OSBPL9: variants seen among roughly 807,000 people sequenced by gnomAD.
The protein encoded by OSBPL9 is oxysterol-binding protein-related protein 9.
Under a neutral mutation model 106.6 loss-of-function variants are expected in OSBPL9, and 40 were observed. The observed-to-expected ratio is 0.38, with a 90% CI of 0.29 to 0.49. OSBPL9 has a LOEUF of 0.49. OSBPL9 is among the 20% of genes least tolerant of loss of function. OSBPL9 has a pLI of 0.97. For missense variants in OSBPL9, 609 were observed against 887.2 expected (o/e 0.69, Z 3.98); for synonymous variants, 269 against 295.4 (o/e 0.91, Z 0.92).
At chr1:51,782,173 A>G (rs990927911) in intron 16 of OSBPL9, among the ~76,000 whole-genome samples, 18 of 152,094 alleles carry the variant, frequency 1.2e-4, no homozygotes, top group African/African-American at 4.3e-4. Flanking sequence ...AAAAAACAAA[A>G]CCATAGCCCA....
intron 2 of OSBPL9, among the ~76,000 whole-genome samples, chr1:51,611,965 ACT>A (rs1234092653): frequency 1.3e-5 from 2 of 152,118 alleles, no homozygotes; most frequent in African/African-American, 4.8e-5. Flanking sequence ...ACCGAGTGAG[ACT>A]CTGTCTCTAA....
chr1:51,616,003 G>GTTTTTTTTTTTTTTTTTTTT (rs764823727), upstream of OSBPL9, among the ~76,000 whole-genome samples: 2 of 104,508 alleles, frequency 1.9e-5, no homozygotes, highest in African/African-American at 3.6e-5. Flanking sequence ...AAATCCTTTG[G>GTTTTTTTTTTTTTTTTTTTT]TTTTTTTTTT....
intron 10 of OSBPL9, 136 bp from the exon 11 acceptor site, chr1:51,761,731 A>G: frequency 1.6e-6 from 1 of 628,632 alleles, no homozygotes; most frequent in Non-Finnish European, 2.9e-6. Flanking sequence ...AGGAAGGAGT[A>G]GCATGGAACT....
chr1:51,775,209 A>G (rs1233164355), intron 14 of OSBPL9, among the ~76,000 whole-genome samples: 1 of 152,166 alleles, frequency 6.6e-6, no homozygotes, highest in East Asian at 1.9e-4. Context: ...TAGAGATTCT[A>G]AGTGTTACAG....
rs145679127 is a variant in OSBPL9, at chr1:51,773,109, G to T, written c.1170+386G>T. On this transcript the variant is annotated intron_variant, in intron 14 of 23. Transcript: ENST00000428468. ...ATTGGACACATAGTAACCTGTTTCA[G>T]AGGGTTATTGTAAGGATTGGAAGAG... Among the ~76,000 whole-genome samples, 862 of 152,224 alleles carry T rather than the reference G, an allele frequency of 5.7e-3. 3 individuals are homozygous for T. Among genetic ancestry groups the T allele is most frequent in the African/African-American group, 0.02 (817 of 41,540 alleles).
At chr1:51,641,621 G>C (rs1645796902) in intron 1 of OSBPL9, among the ~76,000 whole-genome samples, 1 of 152,122 alleles carries the variant, frequency 6.6e-6, no homozygotes, top group Admixed American at 6.6e-5. Context: ...ATTTCCAGAA[G>C]GTTCTTTATT....
chr1:51,527,142 A>G, the OSBPL9 span, among the ~76,000 whole-genome samples: 3 of 152,214 alleles, frequency 2.0e-5, no homozygotes, highest in Non-Finnish European at 4.4e-5. Context: ...ACATTGAATC[A>G]AGGTCCTCCA....
chr1:51,536,302 T>G, the OSBPL9 span, among the ~76,000 whole-genome samples: 1 of 152,072 alleles, frequency 6.6e-6, no homozygotes. Flanking sequence ...AAAGGTTTTT[T>G]TTCTTTTAAT....
At chr1:51,770,200 G>A (rs983408315) in intron 12 of OSBPL9, among the ~76,000 whole-genome samples, 1 of 151,182 alleles carries the variant, frequency 6.6e-6, no homozygotes, top group Non-Finnish European at 1.5e-5. Context: ...GGAGTGCAGA[G>A]GTGCGATGTC....
At chr1:51,608,535 A>G (rs1643964355) in intron 2 of OSBPL9, among the ~76,000 whole-genome samples, 2 of 151,712 alleles carry the variant, frequency 1.3e-5, no homozygotes, top group South Asian at 2.1e-4. Flanking sequence ...CCTGACCTCA[A>G]GGAGTGATCC....
At chr1:51,662,800 A>G (rs543006012) in intron 2 of OSBPL9, among the ~76,000 whole-genome samples, 1 of 143,218 alleles carries the variant, frequency 7.0e-6, no homozygotes, top group Non-Finnish European at 1.5e-5. Flanking sequence ...GGTGGAGTGC[A>G]GTGGCGTGAT....
At chr1:51,643,343 T>C (rs192976800) in intron 1 of OSBPL9, among the ~76,000 whole-genome samples, 1 of 152,268 alleles carries the variant, frequency 6.6e-6, no homozygotes, top group Admixed American at 6.5e-5. Context: ...AAGTGAAGGG[T>C]TGGCTATCTG....
intron 3 of OSBPL9, among the ~76,000 whole-genome samples, chr1:51,676,214 C>G (rs1187580345): frequency 3.9e-5 from 6 of 152,050 alleles, no homozygotes. Context: ...TGGATCACTT[C>G]AGACCAGGAG....
intron 1 of OSBPL9, 59 bp downstream of exon 1, chr1:51,617,280 T>G: frequency 1.3e-6 from 2 of 1,516,714 alleles, no homozygotes; most frequent in Non-Finnish European, 1.8e-6. Context: ...TGGGTGGAGG[T>G]GGGGGACCGG....
intron 2 of OSBPL9, among the ~76,000 whole-genome samples, chr1:51,652,372 A>G (rs373016363): frequency 8.5e-5 from 13 of 152,326 alleles, no homozygotes; most frequent in African/African-American, 3.1e-4. Context: ...AGTAGAAAAA[A>G]TGGAAAAATC....
At chr1:51,753,575 C>A (rs1169344302) in intron 8 of OSBPL9, among the ~76,000 whole-genome samples, 1 of 152,148 alleles carries the variant, frequency 6.6e-6, no homozygotes, top group Non-Finnish European at 1.5e-5. Context: ...TAATAAAATA[C>A]CAGAATCAAC....
intron 1 of OSBPL9, among the ~76,000 whole-genome samples, chr1:51,623,668 C>G (rs367809044): frequency 2.5e-4 from 38 of 152,266 alleles, no homozygotes; most frequent in African/African-American, 8.9e-4. Flanking sequence ...AGTCAAAACA[C>G]ATTTAAGTGT....
intron 4 of OSBPL9, among the ~76,000 whole-genome samples, chr1:51,734,887 G>A (rs2148958424): frequency 6.6e-6 from 1 of 152,222 alleles, no homozygotes; most frequent in South Asian, 2.1e-4. Flanking sequence ...GTTTCCTTGA[G>A]ATTCAGCATC....
chr1:51,768,020 C>A (rs376526611), intron 12 of OSBPL9, among the ~76,000 whole-genome samples: 12 of 132,798 alleles, frequency 9.0e-5, no homozygotes, highest in South Asian at 7.5e-4. Flanking sequence ...TGGCTCACTG[C>A]AAGCTCCGCC....
Sources: allele counts gnomAD v4.1 joint callset (sites outside exome capture counted in the v4.1 genomes callset), GRCh38; gene constraint gnomAD v4.1.1; transcripts MANE v1.5; gene names NCBI Gene and HGNC (gene_info 2026-07-23, HGNC 2026-07-21).